Variants in NRXN3 observed in about 807,000 individuals in gnomAD.
NRXN3 encodes neurexin 3.
A neutral mutation model predicts 137.6 loss-of-function variants in NRXN3; 32 were observed. The ratio of observed to expected loss-of-function variants is 0.23; its 90% CI spans 0.18 to 0.31. NRXN3 has a LOEUF of 0.31. NRXN3 is among the 10% of genes least tolerant of loss of function. The pLI, the probability that NRXN3 is intolerant of heterozygous loss-of-function variation, is 1.00. For missense variants in NRXN3, 1,574 were observed against 2,062.5 expected, an observed-to-expected ratio of 0.76 and a Z score of 4.59; for synonymous variants, 798 against 784.5, an observed-to-expected ratio of 1.02 and a Z score of -0.29.
chr14:79,593,611 A>G (rs957115204), intron 16 of NRXN3, among the ~76,000 whole-genome samples: 1 of 138,458 alleles, frequency 7.2e-6, no homozygotes, highest in African/African-American at 2.9e-5. Flanking sequence ...AGCCTGCACT[A>G]CGGAGCGAGA....
At chr14:79,486,799 G>A (rs2096659438) in intron 16 of NRXN3, among the ~76,000 whole-genome samples, 1 of 152,170 alleles carries the variant, frequency 6.6e-6, no homozygotes, top group South Asian at 2.1e-4. Flanking sequence ...CTGAATGAAT[G>A]ATGAAGAAGG....
Position 78,991,276 on chromosome 14 carries a change from G to T in NRXN3, c.3262+3135G>T, listed in dbSNP as rs138418133. On this transcript the variant is annotated intron_variant, in intron 15 of 20. Coordinates refer to ENST00000335750, the MANE Select transcript of NRXN3 (RefSeq NM_001330195.2). ...TGCCTGCCACAAGTGGCCTGCCTTT[G>T]ACCTAAATAACAGAAATGGGTCACA... Among the ~76,000 whole-genome samples the T allele has an allele frequency of 7.9e-4, 120 of 152,336 alleles. 1 individual carries two copies. Among genetic ancestry groups the T allele is most frequent in the African/African-American group, 2.8e-3 (116 of 41,586 alleles).
intron 4 of NRXN3, among the ~76,000 whole-genome samples, chr14:78,350,807 A>G (rs214032): frequency 0.99 from 150,360 of 152,158 alleles, 74,316 homozygotes; most frequent in East Asian, 1. Flanking sequence ...AGGGTGTGAG[A>G]GTTTCTATAC....
At chr14:78,693,495 G>A (rs1272786578) in intron 6 of NRXN3, among the ~76,000 whole-genome samples, 6 of 151,840 alleles carry the variant, frequency 4.0e-5, no homozygotes, top group Non-Finnish European at 8.8e-5. Context: ...GATTTGGTAT[G>A]AGCCAGTTTT....
chr14:79,265,670 A>C (rs2078354036), intron 15 of NRXN3, among the ~76,000 whole-genome samples: 1 of 151,964 alleles, frequency 6.6e-6, no homozygotes, highest in Non-Finnish European at 1.5e-5. Context: ...CTTTTTCTCT[A>C]TTCATCTTCT....
intron 1 of NRXN3, among the ~76,000 whole-genome samples, chr14:78,177,298 A>C (rs528268477): frequency 6.6e-6 from 1 of 152,072 alleles, no homozygotes; most frequent in Non-Finnish European, 1.5e-5. Context: ...GCCTTCTACC[A>C]GTGTCTCTGT....
At chr14:79,571,624 G>A (rs912422076) in intron 16 of NRXN3, among the ~76,000 whole-genome samples, 11 of 152,166 alleles carry the variant, frequency 7.2e-5, no homozygotes, top group Non-Finnish European at 1.0e-4. Flanking sequence ...CATTTTTCCC[G>A]TGGGCCAGAC....
At chr14:79,493,704 T>C (rs1313053854) in intron 16 of NRXN3, among the ~76,000 whole-genome samples, 2 of 152,206 alleles carry the variant, frequency 1.3e-5, no homozygotes, top group African/African-American at 4.8e-5. Flanking sequence ...ATTAATAATA[T>C]ATAGGAAGGC....
At chr14:78,578,117 A>G (rs1446217338) in intron 4 of NRXN3, among the ~76,000 whole-genome samples, 3 of 152,186 alleles carry the variant, frequency 2.0e-5, no homozygotes, top group Non-Finnish European at 4.4e-5. Flanking sequence ...AATTTGACAA[A>G]TGGTTCAGGT....
In NRXN3 at chr14:79,542,481, C is replaced by T. The variant is rs757425911; in HGVS notation, c.3444+75079C>T. ...ATTACTTCTGACCCACATGTTGGGCCGTATCTATTTTAAAGACAAGAGGAG... is the reference window on the plus strand; with the variant it reads ...ATTACTTCTGACCCACATGTTGGGCTGTATCTATTTTAAAGACAAGAGGAG... On this transcript the variant is annotated intron_variant, in intron 16 of 20. Transcript: ENST00000335750. Among the ~76,000 whole-genome samples, 3 of 152,062 alleles carry T rather than the reference C, an allele frequency of 2.0e-5. No homozygotes were observed. In the South Asian group the frequency reaches 6.2e-4, roughly 32 times the overall value.
intron 8 of NRXN3, among the ~76,000 whole-genome samples, chr14:78,784,121 C>T (rs2098780637): frequency 6.7e-6 from 1 of 149,594 alleles, no homozygotes; most frequent in African/African-American, 2.5e-5. Flanking sequence ...TCGGTGTTGT[C>T]ATGAAAAATA....
chr14:79,525,995 A>G (rs1197497085), intron 16 of NRXN3, among the ~76,000 whole-genome samples: 5 of 151,980 alleles, frequency 3.3e-5, no homozygotes, highest in Non-Finnish European at 2.9e-5. Context: ...GATCCTCTCA[A>G]CTCCGCCTCC....
At chr14:79,409,477 T>G (rs1479258390) in intron 15 of NRXN3, among the ~76,000 whole-genome samples, 3 of 150,472 alleles carry the variant, frequency 2.0e-5, no homozygotes, top group Non-Finnish European at 4.4e-5. Context: ...TATATAGGAA[T>G]CCTATATATG....
chr14:79,733,676 T>C (rs2098932004), intron 19 of NRXN3, among the ~76,000 whole-genome samples: 3 of 103,786 alleles, frequency 2.9e-5, no homozygotes, highest in African/African-American at 1.1e-4. Flanking sequence ...CTGTTGTTGT[T>C]TTTTTTTTTT....
At chr14:79,814,317 T>G (rs771866548) in intron 20 of NRXN3, among the ~76,000 whole-genome samples, 2 of 152,220 alleles carry the variant, frequency 1.3e-5, no homozygotes, top group African/African-American at 4.8e-5. Context: ...TGTCGTGGTG[T>G]TGTTCTGTGA....
At chr14:78,292,620 G>T (rs915854684) in intron 3 of NRXN3, among the ~76,000 whole-genome samples, 1 of 152,152 alleles carries the variant, frequency 6.6e-6, no homozygotes, top group Admixed American at 6.5e-5. Flanking sequence ...TTTTAAAAAA[G>T]GAATTGTAGT....
intron 19 of NRXN3, among the ~76,000 whole-genome samples, chr14:79,714,515 C>T (rs1000385023): frequency 6.6e-6 from 1 of 152,112 alleles, no homozygotes; most frequent in Non-Finnish European, 1.5e-5. Flanking sequence ...ATATAGAAAA[C>T]ATGCATAATT....
intron 4 of NRXN3, among the ~76,000 whole-genome samples, chr14:78,390,103 T>C (rs552564261): frequency 3.9e-5 from 6 of 152,314 alleles, no homozygotes; most frequent in African/African-American, 1.4e-4. Flanking sequence ...TTATTGTAGC[T>C]TTACAGTAAA....
intron 15 of NRXN3, chr14:79,280,670 T>C: frequency 2.1e-6 from 2 of 952,408 alleles, no homozygotes; most frequent in Non-Finnish European, 3.1e-6. Flanking sequence ...GCATCGTATG[T>C]CCATGAGGGA....
Sources: gnomAD v4.1 joint callset for allele counts (sites outside exome capture counted in the v4.1 genomes callset) on GRCh38, gnomAD v4.1.1 for gene constraint, MANE v1.5 for transcripts, NCBI Gene and HGNC (gene_info 2026-07-23, HGNC 2026-07-21) for gene names.